Variants in CSMD1 observed in about 807,000 individuals in gnomAD.
CSMD1 encodes CUB and Sushi multiple domains 1, also known as CUB and sushi domain-containing protein 1.
Under a neutral mutation model 417.5 loss-of-function variants are expected in CSMD1, and 213 were observed. The observed-to-expected ratio is 0.51, with a 90% CI of 0.46 to 0.57. The LOEUF is 0.57. Ranked by LOEUF, CSMD1 falls within the 20% of genes least tolerant of loss-of-function variation. The pLI is 0.00. For synonymous variants in CSMD1, 2,862 were observed against 1,736.8 expected, an observed-to-expected ratio of 1.65 and a Z score of -16.11; for missense variants, 6,923 against 4,529.7, an observed-to-expected ratio of 1.53 and a Z score of -15.17.
At chr8:4,378,199 G>A (rs968957875) in intron 3 of CSMD1, among the ~76,000 whole-genome samples, 19 of 152,124 alleles carry the variant, frequency 1.2e-4, no homozygotes, top group Admixed American at 8.5e-4. Flanking sequence ...GGCGTCCAAC[G>A]AATTAGTCGT....
chr8:3,177,241 A>G (rs1281124076), intron 37 of CSMD1, among the ~76,000 whole-genome samples: 1 of 152,164 alleles, frequency 6.6e-6, no homozygotes, highest in African/African-American at 2.4e-5. Flanking sequence ...CTGGATGCAG[A>G]CGCATGGGGA....
chr8:4,697,858 T>A (rs921617910), intron 1 of CSMD1, among the ~76,000 whole-genome samples: 1 of 152,344 alleles, frequency 6.6e-6, no homozygotes, highest in Admixed American at 6.5e-5. Flanking sequence ...TGCTTGATAT[T>A]TGTAATATCT....
chr8:3,745,851 G>C (rs1466292315), intron 6 of CSMD1, among the ~76,000 whole-genome samples: 1 of 152,148 alleles, frequency 6.6e-6, no homozygotes, highest in Non-Finnish European at 1.5e-5. Context: ...ATAATCTGTG[G>C]TTTCCCCACA....
chr8:4,333,878 T>C (rs905778156), intron 3 of CSMD1, among the ~76,000 whole-genome samples: 5 of 152,050 alleles, frequency 3.3e-5, no homozygotes, highest in African/African-American at 1.2e-4. Context: ...TCTAATACAA[T>C]TTTTCCCCTT....
At chr8:4,199,885 C>T (rs1018579807) in intron 3 of CSMD1, among the ~76,000 whole-genome samples, 22 of 151,968 alleles carry the variant, frequency 1.4e-4, no homozygotes, top group African/African-American at 5.3e-4. Flanking sequence ...ATTTTTAGGC[C>T]CTTAGTGGAA....
chr8:3,753,868 G>C (rs950390136), intron 6 of CSMD1, 62 bp downstream of exon 6: 31 of 1,194,828 alleles, frequency 2.6e-5, no homozygotes, highest in Non-Finnish European at 3.4e-5. Context: ...TTCATGGCTA[G>C]AAAGGATCAA....
intron 3 of CSMD1, among the ~76,000 whole-genome samples, chr8:4,152,630 C>T (rs1796627766): frequency 6.6e-6 from 1 of 151,736 alleles, no homozygotes; most frequent in Non-Finnish European, 1.5e-5. Flanking sequence ...GTCAAGGCTG[C>T]AATGAGTCAC....
intron 1 of CSMD1, among the ~76,000 whole-genome samples, chr8:4,776,565 T>C (rs1055245830): frequency 3.3e-5 from 5 of 152,238 alleles, no homozygotes; most frequent in African/African-American, 4.8e-5. Context: ...ACGGGCTGCA[T>C]TGTTCTCCAC....
chr8:4,805,246 A>T (rs965996287), intron 1 of CSMD1, among the ~76,000 whole-genome samples: 28 of 152,334 alleles, frequency 1.8e-4, no homozygotes, highest in African/African-American at 6.3e-4. Context: ...TATGTATTGC[A>T]CCTGTCCATC....
intron 1 of CSMD1, among the ~76,000 whole-genome samples, chr8:4,778,958 G>C (rs1585084809): frequency 6.6e-6 from 1 of 152,196 alleles, no homozygotes; most frequent in Admixed American, 6.5e-5. Context: ...TAGCCATAAT[G>C]TTAAGAATGT....
chr8:3,259,612 T>A (rs1800908951), intron 26 of CSMD1, among the ~76,000 whole-genome samples: 1 of 152,234 alleles, frequency 6.6e-6, no homozygotes, highest in South Asian at 2.1e-4. Context: ...TCATTTGACA[T>A]GACAAATTCC....
chr8:3,365,975 T>C (rs1809539425), intron 20 of CSMD1, among the ~76,000 whole-genome samples: 5 of 152,188 alleles, frequency 3.3e-5, no homozygotes, highest in Admixed American at 2.6e-4. Context: ...GTTTGGGAGA[T>C]AAGATAAATA....
intron 25 of CSMD1, chr8:3,284,639 G>T (rs960655503): frequency 2.7e-6 from 1 of 364,330 alleles, no homozygotes; most frequent in Non-Finnish European, 5.2e-6. Flanking sequence ...GAGACTTCCA[G>T]ATCTCTGTAT....
At chr8:3,447,386 A>G (rs56724582) in intron 12 of CSMD1, among the ~76,000 whole-genome samples, 11,746 of 152,268 alleles carry the variant, frequency 0.077, 1,080 homozygotes, top group East Asian at 0.2. Flanking sequence ...AAGAAAAAAA[A>G]AGATGGCTTA....
rs1017348939 is a variant in CSMD1, at chr8:3,764,788, C to A, written c.819-10746G>T. Among the ~76,000 whole-genome samples the A allele has an allele frequency of 5.5e-5, 8 of 144,286 alleles. No homozygotes were observed. In the South Asian group the frequency reaches 1.1e-3, roughly 20 times the overall value. 94.7% of individuals were successfully genotyped at this position (144,286 alleles called of 152,430 possible). ...TTGAGAGACATTCTCACTCTGTTGC[C>A]TAGGCTGGAGTGCAGGGGCACCATC... On this transcript the variant is annotated intron_variant, in intron 5 of 69. Transcript: ENST00000635120.
intron 12 of CSMD1, among the ~76,000 whole-genome samples, chr8:3,432,706 G>C (rs1313760155): frequency 6.6e-6 from 1 of 152,034 alleles, no homozygotes; most frequent in Non-Finnish European, 1.5e-5. Flanking sequence ...AGTACAGATG[G>C]GGTTTCACCA....
At chr8:3,162,071 T>G in intron 38 of CSMD1, 88 bp downstream of exon 38, 4 of 807,638 alleles carry the variant, frequency 5.0e-6, no homozygotes, top group South Asian at 4.5e-5. Flanking sequence ...GAGGAAAACA[T>G]GGGTACAAAG....
intron 1 of CSMD1, among the ~76,000 whole-genome samples, chr8:4,871,257 C>G (rs1166223814): frequency 6.6e-6 from 1 of 151,824 alleles, no homozygotes; most frequent in Admixed American, 6.5e-5. Context: ...ATTGTGACAG[C>G]CCATTTTCTT....
intron 26 of CSMD1, among the ~76,000 whole-genome samples, chr8:3,233,895 T>G (rs142995552): frequency 6.8e-4 from 103 of 152,258 alleles, no homozygotes; most frequent in South Asian, 1.5e-3. Flanking sequence ...TTGAGGCATT[T>G]TGGATCCCAG....
Sources: gnomAD v4.1 joint callset for allele counts (sites outside exome capture counted in the v4.1 genomes callset) on GRCh38, gnomAD v4.1.1 for gene constraint, MANE v1.5 for transcripts, NCBI Gene and HGNC (gene_info 2026-07-23, HGNC 2026-07-21) for gene names.